The following ECT2L variants were observed in gnomAD, a reference collection of about 807,000 sequenced individuals.
ECT2L encodes epithelial cell-transforming sequence 2 oncogene-like.
ECT2L carries 126 observed loss-of-function variants against 122.8 expected under a neutral mutation model. That is an observed-to-expected ratio of 1.03 (90% CI 0.89 to 1.19). ECT2L has a LOEUF of 1.19. Ranked by LOEUF, ECT2L falls within the 50% of genes most tolerant of loss-of-function variation. ECT2L has a pLI of 0.00. For missense variants in ECT2L, 1,012 were observed against 1,064.1 expected, an observed-to-expected ratio of 0.95 and a Z score of 0.68; for synonymous variants, 385 against 381.8, an observed-to-expected ratio of 1.01 and a Z score of -0.10.
intron 10 of ECT2L, among the ~76,000 whole-genome samples, chr6:138,859,036 G>C (rs1367703834): frequency 6.6e-6 from 1 of 151,840 alleles, no homozygotes; most frequent in African/African-American, 2.4e-5. Context: ...TTTTAATATG[G>C]AACAGCTCAA....
intron 20 of ECT2L, among the ~76,000 whole-genome samples, chr6:138,896,094 T>TTTTTG (rs1779200839): frequency 6.7e-6 from 1 of 148,618 alleles, no homozygotes; most frequent in African/African-American, 2.5e-5. Context: ...ATTGCTGAAT[T>TTTTTG]TTTTTTTTTT....
intron 20 of ECT2L, among the ~76,000 whole-genome samples, chr6:138,899,062 C>G (rs1186976831): frequency 1.3e-5 from 2 of 151,876 alleles, no homozygotes; most frequent in Non-Finnish European, 1.5e-5. Context: ...CCGTCCTACT[C>G]TCAGGAATTG....
At chr6:138,825,449 G>GC (rs1036449438) in intron 4 of ECT2L, among the ~76,000 whole-genome samples, 240 of 152,192 alleles carry the variant, frequency 1.6e-3, no homozygotes, top group African/African-American at 5.4e-3. Flanking sequence ...AGGTGTGGTG[G>GC]GGGGGCACCT....
chr6:138,814,006 C>T (rs1204705905), intron 3 of ECT2L, among the ~76,000 whole-genome samples: 1 of 152,036 alleles, frequency 6.6e-6, no homozygotes, highest in African/African-American at 2.4e-5. Flanking sequence ...TCTCTGTTGG[C>T]TATTTAGCGA....
intron 20 of ECT2L, among the ~76,000 whole-genome samples, chr6:138,899,243 A>C (rs1779316506): frequency 6.6e-6 from 1 of 152,176 alleles, no homozygotes; most frequent in African/African-American, 2.4e-5. Flanking sequence ...AAAGGAGAAC[A>C]CCCATCAATA....
intron 4 of ECT2L, among the ~76,000 whole-genome samples, chr6:138,833,717 G>T (rs1251549950): frequency 1.3e-5 from 2 of 151,994 alleles, no homozygotes; most frequent in Admixed American, 1.3e-4. Context: ...CAGGAGAATC[G>T]CTTGAATCCA....
chr6:138,876,100 G>C (rs987568410), intron 13 of ECT2L, among the ~76,000 whole-genome samples: 2 of 151,500 alleles, frequency 1.3e-5, no homozygotes, highest in African/African-American at 4.9e-5. Flanking sequence ...GCCTGGGCGA[G>C]AGTGAGACTC....
Position 138,814,582 on chromosome 6 carries a change from G to C in ECT2L, c.158G>C (p.Arg53Thr), listed in dbSNP as rs79876201. The C allele has an allele frequency of 6.2e-7, 1 of 1,609,798 alleles. No individual in the cohort carries two copies. Among genetic ancestry groups the C allele is most frequent in the South Asian group, 1.1e-5 (1 of 90,802 alleles). ...GAATTCTTATTCGCAATTTTTTTAA[G>C]ATGCACTAAATCACAATTAAGGTAA... The part of the protein sequence containing the change: ...RQEFLFAIFL[R>T]CTKSQLRFVQ... The change falls in exon 4 of 22, where the codon AGA becomes ACA. Residue 53 changes from arginine (R) to threonine (T), a missense_variant. By Grantham distance (71) the Arg-to-Thr change is moderately conservative (BLOSUM62 -1). Transcript: ENST00000541398.
At chr6:138,891,737 G>A (rs1205368549) in intron 20 of ECT2L, among the ~76,000 whole-genome samples, 1 of 152,104 alleles carries the variant, frequency 6.6e-6, no homozygotes, top group Admixed American at 6.5e-5. Flanking sequence ...ACCATCTTGG[G>A]CACATTTTCT....
intron 4 of ECT2L, among the ~76,000 whole-genome samples, chr6:138,836,277 G>T (rs1776833641): frequency 6.7e-6 from 1 of 148,266 alleles, no homozygotes; most frequent in African/African-American, 2.5e-5. Flanking sequence ...ACTACTTTTA[G>T]CATTCATTAA....
intron 1 of ECT2L, among the ~76,000 whole-genome samples, chr6:138,799,346 C>T (rs1224825005): frequency 1.3e-5 from 2 of 151,952 alleles, no homozygotes; most frequent in Non-Finnish European, 1.5e-5. Context: ...CTCCGCCTCC[C>T]GGGTTCATGC....
chr6:138,904,001 A>T lies in ECT2L; in HGVS notation c.*1374A>T, dbSNP rs1018946720. The T allele has an allele frequency of 3.9e-5, 6 of 152,238 alleles. No homozygotes were observed. Among genetic ancestry groups the T allele is most frequent in the Non-Finnish European group, 7.3e-5 (5 of 68,036 alleles). The allele number at this position is 152,238 out of a possible 1,614,324, so 9.4% of individuals were successfully genotyped here. A position where few individuals can be genotyped will look rare whatever the true frequency, so the allele number is the denominator to read the frequency against. On this transcript the variant is annotated 3_prime_UTR_variant, in exon 22 of 22. Transcript: ENST00000541398. The stretch of plus-strand genomic sequence containing the variant: ...TCTTAAAACTTTAAATCTTGTTAAA[A>T]AGATGAACAAAAGTTAAAATATTAT...
intron 5 of ECT2L, among the ~76,000 whole-genome samples, chr6:138,842,607 T>TA: frequency 6.6e-6 from 1 of 151,444 alleles, no homozygotes; most frequent in East Asian, 1.9e-4. Flanking sequence ...TCGTCTCTAC[T>TA]AAAAAAACAA....
chr6:138,803,345 A>C (rs1202398497), intron 1 of ECT2L, among the ~76,000 whole-genome samples: 1 of 151,012 alleles, frequency 6.6e-6, no homozygotes, highest in African/African-American at 2.4e-5. Context: ...CACACACACA[A>C]TATACTATAC....
intron 4 of ECT2L, among the ~76,000 whole-genome samples, chr6:138,824,850 G>T (rs1295509935): frequency 1.3e-5 from 2 of 152,102 alleles, no homozygotes; most frequent in Non-Finnish European, 2.9e-5. Context: ...CCAGCCACAG[G>T]ACTCTAACCC....
At chr6:138,885,476 A>G (rs755066002) in intron 16 of ECT2L, 30 bp from the exon 17 acceptor site, 1 of 1,609,622 alleles carries the variant, frequency 6.2e-7, no homozygotes, top group African/African-American at 1.3e-5. Flanking sequence ...TATCTCATAA[A>G]GTTTTGACAA....
intron 4 of ECT2L, among the ~76,000 whole-genome samples, chr6:138,815,829 T>C (rs1562454443): frequency 6.6e-6 from 1 of 152,174 alleles, no homozygotes; most frequent in Non-Finnish European, 1.5e-5. Flanking sequence ...TTGGCATATT[T>C]TAGGTGGAGT....
chr6:138,890,392 C>A (rs1395192014), intron 20 of ECT2L, among the ~76,000 whole-genome samples: 1 of 151,544 alleles, frequency 6.6e-6, no homozygotes, highest in Non-Finnish European at 1.5e-5. Flanking sequence ...AGAAATCAGT[C>A]CCCTCACCTC....
chr6:138,862,699 C>T lies in ECT2L; in HGVS notation c.1271C>T (p.Ala424Val). The T allele has an allele frequency of 6.2e-7, 1 of 1,614,130 alleles. No individual in the cohort carries two copies. Among genetic ancestry groups the T allele is most frequent in the Non-Finnish European group, 8.5e-7 (1 of 1,179,960 alleles). ...GTFFTAPTGI[A>V]TGSYQHILSD... Reference sequence around the variant, plus strand: ...TTCTTTACGGCCCCCACTGGGATTGCAACTGGCTCTTACCAGCACAGTAAG... The same window carrying T: ...TTCTTTACGGCCCCCACTGGGATTGTAACTGGCTCTTACCAGCACAGTAAG... The change falls in exon 11 of 22, where the codon GCA (alanine) becomes GTA (valine). Residue 424 changes from alanine (A) to valine (V), a missense_variant. Ala to Val is a moderately conservative substitution (Grantham distance 64). Transcript: ENST00000541398.
Sources: allele counts gnomAD v4.1 joint callset (sites outside exome capture counted in the v4.1 genomes callset), GRCh38; gene constraint gnomAD v4.1.1; transcripts MANE v1.5; gene names NCBI Gene and HGNC (gene_info 2026-07-23, HGNC 2026-07-21).